The following KCNG3 variants were observed in gnomAD, a reference collection of about 807,000 sequenced individuals.
The protein encoded by KCNG3 is potassium voltage-gated channel modifier subfamily G member 3, also known as voltage-gated potassium channel regulatory subunit KCNG3.
In KCNG3, 15 loss-of-function variants were observed where a neutral mutation model predicts 29.0. The ratio of observed to expected loss-of-function variants is 0.52; its 90% CI spans 0.35 to 0.80. The LOEUF (loss-of-function observed/expected upper bound fraction) is 0.80, where lower values mean the gene tolerates loss of function less well. Ranked by LOEUF, KCNG3 falls within the 30% of genes least tolerant of loss-of-function variation. KCNG3 has a pLI of 0.01. For missense variants in KCNG3, 512 were observed against 605.7 expected (o/e 0.85, Z 1.62); for synonymous variants, 322 against 248.9 (o/e 1.29, Z -2.76).
intron 1 of KCNG3, among the ~76,000 whole-genome samples, chr2:42,485,243 T>C (rs1238045133): frequency 1.3e-5 from 2 of 152,152 alleles, no homozygotes; most frequent in South Asian, 2.1e-4. Flanking sequence ...AAGCAACTTT[T>C]AGAAAAAAAT....
intron 1 of KCNG3, among the ~76,000 whole-genome samples, chr2:42,450,899 A>T (rs958074866): frequency 2.4e-4 from 36 of 152,308 alleles, no homozygotes; most frequent in African/African-American, 8.2e-4. Flanking sequence ...TTTTATGACA[A>T]TGTCCATTGT....
the KCNG3 span, among the ~76,000 whole-genome samples, chr2:42,401,853 C>T: frequency 1.3e-5 from 2 of 152,114 alleles, no homozygotes; most frequent in East Asian, 3.8e-4. Flanking sequence ...CACTGTACTC[C>T]AGCCTGGGTG....
At chr2:42,439,253 A>G (rs201373587), downstream of KCNG3, among the ~76,000 whole-genome samples, 5 of 4,800 alleles carry the variant, frequency 1.0e-3, no homozygotes, top group Non-Finnish European at 2.8e-3. Context: ...ATATTATTGT[A>G]TATATATATA....
the KCNG3 span, among the ~76,000 whole-genome samples, chr2:42,399,251 C>G: frequency 6.6e-6 from 1 of 151,894 alleles, no homozygotes. Flanking sequence ...GGGACAGGAT[C>G]TTGCCCCGTT....
At chr2:42,471,576 C>G (rs1208942400) in intron 1 of KCNG3, among the ~76,000 whole-genome samples, 1 of 152,004 alleles carries the variant, frequency 6.6e-6, no homozygotes, top group East Asian at 1.9e-4. Context: ...GATAGTTGTA[C>G]AATGTAGTGC....
At chr2:42,403,109 T>C in the KCNG3 span, among the ~76,000 whole-genome samples, 1 of 152,326 alleles carries the variant, frequency 6.6e-6, no homozygotes, top group Admixed American at 6.5e-5. Flanking sequence ...TTCTTTGTCT[T>C]GTTAATGTGA....
At chr2:42,449,805 T>A (rs566235782) in intron 1 of KCNG3, among the ~76,000 whole-genome samples, 3 of 152,102 alleles carry the variant, frequency 2.0e-5, no homozygotes, top group Non-Finnish European at 4.4e-5. Context: ...ATATGGTAGG[T>A]AGTAGTAAGA....
chr2:42,476,144 T>C (rs1200980830), intron 1 of KCNG3, among the ~76,000 whole-genome samples: 5 of 152,086 alleles, frequency 3.3e-5, no homozygotes, highest in Non-Finnish European at 7.4e-5. Flanking sequence ...TTTTAAAATT[T>C]TTTCAATTAT....
chr2:42,437,178 A>G (rs555354883), downstream of KCNG3, among the ~76,000 whole-genome samples: 1 of 152,308 alleles, frequency 6.6e-6, no homozygotes, highest in Admixed American at 6.5e-5. Context: ...AAAGATGCAT[A>G]CATAAAAAAT....
chr2:42,411,558 T>C, the KCNG3 span, among the ~76,000 whole-genome samples: 1 of 152,094 alleles, frequency 6.6e-6, no homozygotes, highest in African/African-American at 2.4e-5. Flanking sequence ...TCTCAGCTCA[T>C]TGCAACCTCC....
chr2:42,491,085 T>G (rs1673862015), intron 1 of KCNG3, among the ~76,000 whole-genome samples: 1 of 152,228 alleles, frequency 6.6e-6, no homozygotes, highest in South Asian at 2.1e-4. Context: ...CAGCTCTGAC[T>G]TGAATAATTA....
the KCNG3 span, among the ~76,000 whole-genome samples, chr2:42,401,424 T>A: frequency 2.0e-5 from 3 of 150,374 alleles, no homozygotes; most frequent in African/African-American, 7.3e-5. Flanking sequence ...GAGAAAAATA[T>A]ATTTATATAA....
At chr2:42,454,093 C>CAA (rs11322972) in intron 1 of KCNG3, among the ~76,000 whole-genome samples, 3 of 134,938 alleles carry the variant, frequency 2.2e-5, no homozygotes, top group Non-Finnish European at 3.2e-5. Context: ...GCTACTATAC[C>CAA]AAAAAAAAAA....
At chr2:42,455,393 T>C (rs1312453568) in intron 1 of KCNG3, among the ~76,000 whole-genome samples, 1 of 152,236 alleles carries the variant, frequency 6.6e-6, no homozygotes, top group Non-Finnish European at 1.5e-5. Flanking sequence ...TGAACGAGAT[T>C]GTTCCTGTCA....
intron 1 of KCNG3, among the ~76,000 whole-genome samples, chr2:42,447,508 C>A (rs1435862234): frequency 6.8e-6 from 1 of 147,988 alleles, no homozygotes; most frequent in Non-Finnish European, 1.5e-5. Flanking sequence ...AACACTGATG[C>A]AATGAATATT....
In KCNG3 at chr2:42,486,698, C is replaced by T. The variant is rs541144948; in HGVS notation, c.665+6139G>A. 1.2e-4 allele frequency among the ~76,000 whole-genome samples: 19 copies of T among 152,334 alleles called. 1 individual carries two copies. In the South Asian group the frequency reaches 3.9e-3, roughly 32 times the overall value. On this transcript the variant is annotated intron_variant, in intron 1 of 1. Transcript: ENST00000306078. ...CACTCTTCTCACTCAACTCACGTCA[C>T]CTTTCACAATCTGAAATGATTTGCT...
the KCNG3 span, among the ~76,000 whole-genome samples, chr2:42,416,122 A>T: frequency 6.6e-6 from 1 of 151,908 alleles, no homozygotes; most frequent in Non-Finnish European, 1.5e-5. Context: ...GAGGCACGAG[A>T]GTCACTAGAA....
At chr2:42,430,587 C>A in the KCNG3 span, among the ~76,000 whole-genome samples, 82 of 151,618 alleles carry the variant, frequency 5.4e-4, no homozygotes, top group African/African-American at 1.9e-3. Context: ...CTTGTCTGTA[C>A]AAAAATGTTA....
chr2:42,395,771 C>G, the KCNG3 span, among the ~76,000 whole-genome samples: 3 of 150,580 alleles, frequency 2.0e-5, 1 homozygote, highest in South Asian at 4.2e-4. Context: ...CTGAGCAACA[C>G]AGCAAGGCCC....
Sources: gnomAD v4.1 joint callset for allele counts (sites outside exome capture counted in the v4.1 genomes callset) on GRCh38, gnomAD v4.1.1 for gene constraint, MANE v1.5 for transcripts, NCBI Gene and HGNC (gene_info 2026-07-23, HGNC 2026-07-21) for gene names.